Variants in UNC13B observed in about 807,000 individuals in gnomAD.
The protein encoded by UNC13B is protein unc-13 homolog B.
Under a neutral mutation model 211.0 loss-of-function variants are expected in UNC13B, and 144 were observed. The observed-to-expected ratio is 0.68, with a 90% CI of 0.60 to 0.78. The LOEUF is 0.78. Ranked by LOEUF, UNC13B falls within the 30% of genes least tolerant of loss-of-function variation. UNC13B has a pLI of 0.00. For missense variants in UNC13B, 1,777 were observed against 2,002.0 expected (o/e 0.89, Z 2.14); for synonymous variants, 709 against 725.8 (o/e 0.98, Z 0.37).
chr9:35,256,015 G>A (rs1168251160), intron 6 of UNC13B, among the ~76,000 whole-genome samples: 2 of 152,130 alleles, frequency 1.3e-5, no homozygotes, highest in Admixed American at 6.5e-5. Context: ...GATGGAACTG[G>A]TTAGGTCTGA....
intron 36 of UNC13B, 82 bp from the exon 37 acceptor site, chr9:35,400,213 CT>C: frequency 6.4e-7 from 1 of 1,562,702 alleles, no homozygotes; most frequent in Admixed American, 1.8e-5. Context: ...TCACAGTCCT[CT>C]TCTTGCTTCT....
chr9:35,249,646 T>C (rs1036392457), intron 6 of UNC13B, among the ~76,000 whole-genome samples: 1 of 152,222 alleles, frequency 6.6e-6, no homozygotes, highest in African/African-American at 2.4e-5. Context: ...AAATTCTGGT[T>C]GAAAATTCTT....
intron 1 of UNC13B, among the ~76,000 whole-genome samples, chr9:35,164,141 C>T (rs896047676): frequency 1.3e-5 from 2 of 152,152 alleles, no homozygotes; most frequent in African/African-American, 4.8e-5. Flanking sequence ...CTCAGCCTCC[C>T]GAGCAGCTGG....
rs371848897 is a variant in UNC13B at position 35,293,156 on chromosome 9, T to C, written c.527-2540T>C. 7.0e-4 allele frequency among the ~76,000 whole-genome samples: 107 copies of C among 152,336 alleles called. No individual in the cohort carries two copies. The South Asian group carries it at 0.017, about 25-fold the overall frequency. ...CTCTTGCCCTCTCCTGCTTTTCATATTCTCTTCTACTCCCAACCTCTTCTT... is the reference window on the plus strand; with the variant it reads ...CTCTTGCCCTCTCCTGCTTTTCATACTCTCTTCTACTCCCAACCTCTTCTT... On this transcript the variant is annotated intron_variant, in intron 7 of 39. Transcript: ENST00000635942.
At chr9:35,313,849 C>T in intron 10 of UNC13B, 50 bp from the exon 11 acceptor site, 1 of 1,465,070 alleles carries the variant, frequency 6.8e-7, no homozygotes. Flanking sequence ...AGCAGTGTCA[C>T]CTTGTGGCCT....
intron 7 of UNC13B, among the ~76,000 whole-genome samples, chr9:35,284,618 C>T (rs1043308707): frequency 6.6e-6 from 1 of 152,034 alleles, no homozygotes; most frequent in Admixed American, 6.6e-5. Context: ...TTTTGTTATT[C>T]TCCTATGTTA....
chr9:35,177,115 A>G (rs1821678141), intron 1 of UNC13B, among the ~76,000 whole-genome samples: 1 of 152,058 alleles, frequency 6.6e-6, no homozygotes, highest in African/African-American at 2.4e-5. Context: ...CCCCATCTCT[A>G]TTTAAAAAAA....
chr9:35,337,092 C>CT (rs796273914), intron 11 of UNC13B, among the ~76,000 whole-genome samples: 4,850 of 145,338 alleles, frequency 0.033, 253 homozygotes, highest in African/African-American at 0.11. Context: ...AGAACTAGGA[C>CT]TTTTTTTTTT....
chr9:35,329,064 C>T (rs1831219287), intron 11 of UNC13B, among the ~76,000 whole-genome samples: 1 of 151,848 alleles, frequency 6.6e-6, no homozygotes, highest in Non-Finnish European at 1.5e-5. Flanking sequence ...AGCCACCTCG[C>T]CCAGCCCCGA....
intron 1 of UNC13B, among the ~76,000 whole-genome samples, chr9:35,189,476 C>T (rs932790304): frequency 3.9e-5 from 6 of 152,116 alleles, no homozygotes; most frequent in Non-Finnish European, 2.9e-5. Context: ...TGCATTTTGA[C>T]GACACTTGCA....
chr9:35,231,454 A>G (rs112792233), intron 3 of UNC13B, among the ~76,000 whole-genome samples: 1 of 152,216 alleles, frequency 6.6e-6, no homozygotes, highest in Non-Finnish European at 1.5e-5. Flanking sequence ...TTAGAGATGA[A>G]TGATAATGCA....
At chr9:35,377,438 G>A in intron 15 of UNC13B, 30 bp from the exon 16 acceptor site, 1 of 1,611,168 alleles carries the variant, frequency 6.2e-7, no homozygotes, top group East Asian at 2.2e-5. Flanking sequence ...GGTCTGGTAG[G>A]TGACCTGTTG....
At chr9:35,300,003 T>C (rs1188596397) in intron 8 of UNC13B, among the ~76,000 whole-genome samples, 163 bp from the exon 9 acceptor site, 1 of 151,990 alleles carries the variant, frequency 6.6e-6, no homozygotes, top group Non-Finnish European at 1.5e-5. Context: ...AACATAAACT[T>C]GAAGGAAGCA....
At chr9:35,311,828 C>T (rs78097797) in intron 10 of UNC13B, among the ~76,000 whole-genome samples, 4,433 of 152,144 alleles carry the variant, frequency 0.029, 92 homozygotes, top group Non-Finnish European at 0.043. Context: ...AATTGGTATC[C>T]ATAGGAAGAA....
chr9:35,256,530 A>T (rs1270721563), intron 6 of UNC13B, among the ~76,000 whole-genome samples: 1 of 151,972 alleles, frequency 6.6e-6, no homozygotes, highest in Non-Finnish European at 1.5e-5. Context: ...TTTTTTAAGC[A>T]TTTTTGTCAT....
intron 7 of UNC13B, among the ~76,000 whole-genome samples, chr9:35,259,853 A>G (rs1038309769): frequency 1.3e-5 from 2 of 150,232 alleles, no homozygotes; most frequent in Admixed American, 6.7e-5. Flanking sequence ...ATCTCATGCC[A>G]AACTCCATCA....
At chr9:35,242,475 C>G (rs1825864989) in intron 5 of UNC13B, among the ~76,000 whole-genome samples, 1 of 152,154 alleles carries the variant, frequency 6.6e-6, no homozygotes, top group Non-Finnish European at 1.5e-5. Flanking sequence ...CTGGCAACGA[C>G]CATTCTTTCT....
chr9:35,195,673 C>G (rs991721196), intron 1 of UNC13B, among the ~76,000 whole-genome samples: 1 of 152,180 alleles, frequency 6.6e-6, no homozygotes, highest in Non-Finnish European at 1.5e-5. Flanking sequence ...TCTCAAATAC[C>G]CTTTTTCATA....
Position 35,304,414 on chromosome 9 carries a change from T to C in UNC13B, c.5010T>C (p.Ser1670=). The change falls in exon 9 of 40, where the codon TCT becomes TCC. Residue 1670 remains serine (S), a synonymous_variant. Coordinates refer to ENST00000635942, the MANE Select transcript of UNC13B (RefSeq NM_001371189.2). ...FRSFKERPCG[S]EDAECTLDLR... ...CTTTCAAAGAAAGGCCGTGTGGTTC[T>C]GAAGACGCTGAATGTACATTAGATC... The C allele has an allele frequency of 1.3e-5, 5 of 398,726 alleles. No homozygotes were observed. In the East Asian group the frequency reaches 1.4e-4, roughly 11 times the overall value. The allele number at this position is 398,726 out of a possible 1,614,324, so 24.7% of individuals were successfully genotyped here.
Sources: allele counts gnomAD v4.1 joint callset (sites outside exome capture counted in the v4.1 genomes callset), GRCh38; gene constraint gnomAD v4.1.1; transcripts MANE v1.5; gene names NCBI Gene and HGNC (gene_info 2026-07-23, HGNC 2026-07-21).